OR1B1: variants seen among roughly 807,000 people sequenced by gnomAD.
OR1B1 encodes olfactory receptor family 1 subfamily B member 1, also known as olfactory receptor 1B1.
For synonymous variants in OR1B1, 168 were observed against 156.2 expected (o/e 1.08, Z -0.57); for missense variants, 414 against 402.1 (o/e 1.03, Z -0.25).
the OR1B1 span, among the ~76,000 whole-genome samples, chr9:122,645,516 A>G: frequency 6.6e-6 from 1 of 152,160 alleles, no homozygotes; most frequent in African/African-American, 2.4e-5. Flanking sequence ...GCCAAGGATA[A>G]AAAAAGGATC....
Position 122,629,320 on chromosome 9 carries a change from G to A in OR1B1, c.216C>T (p.Asp72=), listed in dbSNP as rs143070706. 2.9e-4 allele frequency: 463 copies of A among 1,614,104 alleles called. 3 individuals are homozygous for A. In the African/African-American group the frequency reaches 4.9e-3, roughly 17 times the overall value. The change falls in exon 1 of 1, where the codon GAC becomes GAT. Residue 72 remains aspartate (D), a synonymous_variant. Transcript: ENST00000623530. ...GCAGTGTAACTGTGGATAGCCCCAT[G>A]TCTATCACAGAGAGGCCACGAAGCA...
exon 1 of OR1B1, chr9:122,628,785 G>A (rs981107347): frequency 2.5e-6 from 4 of 1,614,164 alleles, no homozygotes; most frequent in Admixed American, 1.7e-5. Flanking sequence ...ACCATGGTGA[G>A]GTGGGATCCA....
downstream of OR1B1, chr9:122,628,447 T>C (rs772325003): frequency 1.7e-5 from 11 of 660,112 alleles, no homozygotes; most frequent in Non-Finnish European, 3.0e-5. Context: ...AAGCACAACA[T>C]TGACAAGAGC....
upstream of OR1B1, among the ~76,000 whole-genome samples, chr9:122,633,604 AAAT>A (rs911473606): frequency 3.3e-5 from 5 of 151,870 alleles, no homozygotes; most frequent in Non-Finnish European, 5.9e-5. Context: ...CTCAATAGCA[AAAT>A]AATAATAATA....
chr9:122,649,078 G>T, the OR1B1 span, among the ~76,000 whole-genome samples: 1 of 152,116 alleles, frequency 6.6e-6, no homozygotes, highest in Admixed American at 6.5e-5. Flanking sequence ...ACAGAACAGA[G>T]AACTCAGAAA....
At chr9:122,640,973 A>T in the OR1B1 span, among the ~76,000 whole-genome samples, 1 of 152,240 alleles carries the variant, frequency 6.6e-6, no homozygotes, top group Non-Finnish European at 1.5e-5. Context: ...AGAAGAATAA[A>T]TATTAGATGC....
chr9:122,638,238 G>T, the OR1B1 span, among the ~76,000 whole-genome samples: 1 of 152,140 alleles, frequency 6.6e-6, no homozygotes. Context: ...GAAGCAGTTT[G>T]GGCTTTAATT....
exon 1 of OR1B1, chr9:122,629,294 G>A (rs1564218982): frequency 6.2e-7 from 1 of 1,614,110 alleles, no homozygotes; most frequent in East Asian, 2.2e-5. Context: ...CAGCAACTGG[G>A]GCAGTGTAAC....
exon 1 of OR1B1, chr9:122,629,247 C>G (rs1249059088): frequency 6.2e-7 from 1 of 1,614,040 alleles, no homozygotes. Flanking sequence ...AAGCAGCGGG[C>G]AGCAGGAATG....
chr9:122,644,864 T>C, the OR1B1 span, among the ~76,000 whole-genome samples: 4 of 152,008 alleles, frequency 2.6e-5, no homozygotes, highest in South Asian at 2.1e-4. Flanking sequence ...AACTACCTGA[T>C]TCTTCAATGC....
At chr9:122,639,644 T>C in the OR1B1 span, 1 of 151,950 alleles carries the variant, frequency 6.6e-6, no homozygotes, top group Non-Finnish European at 1.5e-5. Context: ...CACAAAGTTG[T>C]TGGAAGAATT....
chr9:122,638,258 GC>G, the OR1B1 span, among the ~76,000 whole-genome samples: 7 of 152,120 alleles, frequency 4.6e-5, no homozygotes, highest in Admixed American at 3.3e-4. Flanking sequence ...TGTATCTATA[GC>G]AGTCAATTTT....
At chr9:122,632,789 G>A (rs12340147), upstream of OR1B1, among the ~76,000 whole-genome samples, 1 of 152,130 alleles carries the variant, frequency 6.6e-6, no homozygotes, top group Admixed American at 6.5e-5. Context: ...GTTTGTATTA[G>A]TTTGTTTTCA....
the OR1B1 span, among the ~76,000 whole-genome samples, chr9:122,650,427 TATA>T: frequency 6.8e-6 from 1 of 146,986 alleles, no homozygotes; most frequent in African/African-American, 2.4e-5. Context: ...AAAATATATA[TATA>T]ATATATTTAT....
chr9:122,656,597 A>G, the OR1B1 span, among the ~76,000 whole-genome samples: 23 of 152,154 alleles, frequency 1.5e-4, no homozygotes, highest in Non-Finnish European at 3.2e-4. Context: ...TTCTCGTGTC[A>G]TGCCCTCAGA....
At chr9:122,638,722 C>G in the OR1B1 span, among the ~76,000 whole-genome samples, 2 of 152,118 alleles carry the variant, frequency 1.3e-5, no homozygotes, top group Non-Finnish European at 2.9e-5. Flanking sequence ...ATGGTCTTTC[C>G]CTGACCCCAG....
At chr9:122,630,305 CCT>C (rs1286007097), upstream of OR1B1, among the ~76,000 whole-genome samples, 2 of 152,140 alleles carry the variant, frequency 1.3e-5, no homozygotes, top group Admixed American at 6.6e-5. Flanking sequence ...CTCTTTATTC[CCT>C]GTGTTAGTTA....
At chr9:122,639,232 G>T in the OR1B1 span, among the ~76,000 whole-genome samples, 1 of 151,978 alleles carries the variant, frequency 6.6e-6, no homozygotes, top group Non-Finnish European at 1.5e-5. Flanking sequence ...ATACGTCTAT[G>T]ATTTTGATAC....
At chr9:122,655,783 C>T in the OR1B1 span, among the ~76,000 whole-genome samples, 7 of 151,538 alleles carry the variant, frequency 4.6e-5, no homozygotes, top group Admixed American at 4.6e-4. Flanking sequence ...CACCGTGGCG[C>T]ACCTTTACCT....
Sources: allele counts gnomAD v4.1 joint callset (sites outside exome capture counted in the v4.1 genomes callset), GRCh38; gene constraint gnomAD v4.1.1; transcripts MANE v1.5; gene names NCBI Gene and HGNC (gene_info 2026-07-23, HGNC 2026-07-21).